Variants in PBX1 observed in about 807,000 individuals in gnomAD.
The protein encoded by PBX1 is pre-B-cell leukemia transcription factor 1.
Under a neutral mutation model 53.4 loss-of-function variants are expected in PBX1, and 6 were observed. The observed-to-expected ratio is 0.11, with a 90% CI of 0.06 to 0.22. The LOEUF (loss-of-function observed/expected upper bound fraction) is 0.22. PBX1 is among the 10% of genes least tolerant of loss of function. The probability of loss-of-function intolerance (pLI) is 1.00; values close to 1 mark genes in which losing one functional copy is unlikely to be tolerated. For synonymous variants in PBX1, 204 were observed against 212.3 expected (o/e 0.96, Z 0.34); for missense variants, 251 against 551.4 (o/e 0.46, Z 5.46).
chr1:164,669,737 T>C (rs149545463), intron 2 of PBX1, among the ~76,000 whole-genome samples: 445 of 152,328 alleles, frequency 2.9e-3, no homozygotes, highest in African/African-American at 9.7e-3. Flanking sequence ...CACAGCCTTC[T>C]AATATTTCCT....
chr1:164,858,390 C>T (rs1223466090), intron 2 of PBX1, among the ~76,000 whole-genome samples: 4 of 151,904 alleles, frequency 2.6e-5, no homozygotes, highest in African/African-American at 7.3e-5. Flanking sequence ...TAAACAAGGG[C>T]CTCATTCCTT....
chr1:164,803,861 G>A (rs1364220346), intron 4 of PBX1, among the ~76,000 whole-genome samples: 3 of 152,122 alleles, frequency 2.0e-5, no homozygotes, highest in Non-Finnish European at 4.4e-5. Context: ...CCTATATGAC[G>A]CTGGATAAGT....
chr1:164,679,826 T>G (rs1406030248), intron 2 of PBX1, among the ~76,000 whole-genome samples: 1 of 152,218 alleles, frequency 6.6e-6, no homozygotes, highest in Non-Finnish European at 1.5e-5. Flanking sequence ...AAATAGGTAC[T>G]TAGGACAAAC....
chr1:164,638,553 C>A (rs1658928030), intron 2 of PBX1, among the ~76,000 whole-genome samples: 2 of 152,164 alleles, frequency 1.3e-5, no homozygotes, highest in African/African-American at 4.8e-5. Context: ...TATAAAGCCA[C>A]CAGTTTTCTG....
intron 2 of PBX1, among the ~76,000 whole-genome samples, chr1:164,699,791 G>C (rs1006698013): frequency 6.6e-6 from 1 of 152,122 alleles, no homozygotes; most frequent in African/African-American, 2.4e-5. Context: ...TCACTTTGTA[G>C]AATAATATAA....
chr1:164,751,044 G>A (rs192405876), intron 2 of PBX1, among the ~76,000 whole-genome samples: 5 of 152,154 alleles, frequency 3.3e-5, no homozygotes, highest in East Asian at 1.9e-4. Context: ...GGCTGGGTGC[G>A]GTGACTCATG....
At chr1:164,799,917 C>A in intron 4 of PBX1, 28 bp downstream of exon 4, 1 of 1,584,656 alleles carries the variant, frequency 6.3e-7, no homozygotes, top group South Asian at 1.1e-5. Context: ...CTGTCCTGCC[C>A]TCTCTGGGAG....
chr1:164,831,611 G>T (rs1019611733), intron 8 of PBX1: 28 of 152,006 alleles, frequency 1.8e-4, no homozygotes, highest in African/African-American at 6.0e-4. Context: ...GGATGGTCTC[G>T]ATCTCCTGAC....
At chr1:164,785,450 G>A (rs149905376) in intron 2 of PBX1, among the ~76,000 whole-genome samples, 1,751 of 152,216 alleles carry the variant, frequency 0.012, 30 homozygotes, top group African/African-American at 0.04. Context: ...AGGAGGTTCC[G>A]GGCTGTGGAT....
chr1:164,757,368 C>T (rs530842596), intron 2 of PBX1, among the ~76,000 whole-genome samples: 6 of 152,106 alleles, frequency 3.9e-5, no homozygotes, highest in Non-Finnish European at 7.4e-5. Flanking sequence ...CCATTGGAAA[C>T]TAATAATATT....
intron 2 of PBX1, among the ~76,000 whole-genome samples, chr1:164,575,410 T>C (rs1654150012): frequency 1.3e-5 from 2 of 152,212 alleles, no homozygotes; most frequent in Admixed American, 1.3e-4. Flanking sequence ...TATATTTGTC[T>C]TGCTTTGAGA....
Position 164,722,221 on chromosome 1 carries a change from C to T in PBX1, c.266-70273C>T, listed in dbSNP as rs374583614. Among the ~76,000 whole-genome samples, 4 of 152,278 alleles carry T rather than the reference C, an allele frequency of 2.6e-5. No individual in the cohort carries two copies. The East Asian group carries it at 5.8e-4, about 22-fold the overall frequency. On this transcript the variant is annotated intron_variant, in intron 2 of 8. Transcript: ENST00000420696. The stretch of plus-strand genomic sequence containing the variant: ...AAGCCTTAATCTCTTATGCTGCGAT[C>T]AATGGGTGGGCACCTTTCCCATTTG...
chr1:164,786,718 T>TGCGCGCGC lies in PBX1; in HGVS notation c.266-5775_266-5774insCGCGCGCG, dbSNP rs1553246252. Reference sequence around the variant, plus strand: ...GTGTGTGTGTGTGTGTGTGTGTGTGTGTGCGCGCGCACACACACACACGCA... The same window carrying TGCGCGCGC: ...GTGTGTGTGTGTGTGTGTGTGTGTGTGCGCGCGCGTGCGCGCGCACACACACACACGCA... On this transcript the variant is annotated intron_variant, in intron 2 of 8. Transcript: ENST00000420696. Among the ~76,000 whole-genome samples, 526 of 100,042 alleles carry TGCGCGCGC rather than the reference T, an allele frequency of 5.3e-3. 2 individuals carry two copies. The highest frequency in any genetic ancestry group is 0.039 in the East Asian group (140 of 3,568). The allele number at this position is 100,042 out of a possible 152,430, so 65.6% of individuals were successfully genotyped here. A position where few individuals can be genotyped will look rare whatever the true frequency, so the allele number is the denominator to read the frequency against.
chr1:164,845,274 C>T (rs998599428), intron 8 of PBX1, among the ~76,000 whole-genome samples: 17 of 149,816 alleles, frequency 1.1e-4, no homozygotes, highest in East Asian at 2.0e-4. Context: ...AGTCGTGAAC[C>T]GGGACACCTG....
intron 2 of PBX1, among the ~76,000 whole-genome samples, chr1:164,734,874 A>G (rs74121206): frequency 0.041 from 6,221 of 152,294 alleles, 221 homozygotes; most frequent in East Asian, 0.13. Context: ...CTCTGAAGTA[A>G]AGAAGTATGG....
At chr1:164,590,645 T>TA in intron 2 of PBX1, among the ~76,000 whole-genome samples, 1 of 152,258 alleles carries the variant, frequency 6.6e-6, no homozygotes, top group Middle Eastern at 3.4e-3. Context: ...AAGTGTATGC[T>TA]TTTACCTAGC....
chr1:164,592,774 T>G (rs1322382179), intron 2 of PBX1, among the ~76,000 whole-genome samples: 1 of 151,912 alleles, frequency 6.6e-6, no homozygotes, highest in East Asian at 1.9e-4. Context: ...CTGAGTAGAG[T>G]CTCTGCTGCT....
intron 2 of PBX1, among the ~76,000 whole-genome samples, chr1:164,590,881 G>A (rs1006778655): frequency 6.6e-6 from 1 of 152,100 alleles, no homozygotes; most frequent in African/African-American, 2.4e-5. Context: ...ATCTTACTCT[G>A]TCACCCAGGC....
At chr1:164,668,694 T>G (rs1660951587) in intron 2 of PBX1, among the ~76,000 whole-genome samples, 1 of 152,230 alleles carries the variant, frequency 6.6e-6, no homozygotes, top group Non-Finnish European at 1.5e-5. Flanking sequence ...TTGACATCTT[T>G]TTATCAGATG....
Sources: allele counts gnomAD v4.1 joint callset (sites outside exome capture counted in the v4.1 genomes callset), GRCh38; gene constraint gnomAD v4.1.1; transcripts MANE v1.5; gene names NCBI Gene and HGNC (gene_info 2026-07-23, HGNC 2026-07-21).